CYP2C18: variants seen among roughly 807,000 people sequenced by gnomAD.
CYP2C18 encodes cytochrome P450 family 2 subfamily C member 18.
A neutral mutation model predicts 41.3 loss-of-function variants in CYP2C18; 38 were observed. The ratio of observed to expected loss-of-function variants is 0.92; its 90% CI spans 0.71 to 1.21. The LOEUF (loss-of-function observed/expected upper bound fraction) is 1.21, where lower values mean the gene tolerates loss of function less well. CYP2C18 is among the 50% of genes most tolerant of loss of function. CYP2C18 has a pLI of 0.00. For missense variants in CYP2C18, 635 were observed against 591.4 expected, an observed-to-expected ratio of 1.07 and a Z score of -0.77; for synonymous variants, 236 against 210.0, an observed-to-expected ratio of 1.12 and a Z score of -1.07.
Position 94,683,876 on chromosome 10 carries a change from C to G in CYP2C18, c.57C>G (p.Leu19=). 4 of 1,611,490 alleles carry G rather than the reference C, an allele frequency of 2.5e-6. No homozygotes were observed. The South Asian group carries it at 3.3e-5, about 13-fold the overall frequency. ...TCTCCTGTTTGTTTCTCCTTTCACT[C>G]TGGAGGCAGAGCTCTGGAAGAGGGA... ...LCLSCLFLLS[L]WRQSSGRGRL... is the part of the protein sequence containing the mutation. Residue 19 remains leucine, a synonymous_variant, in exon 1 of 9, where the codon CTC becomes CTG. Transcript: ENST00000285979.
intron 4 of CYP2C18, among the ~76,000 whole-genome samples, chr10:94,704,919 T>C (rs1847310331): frequency 6.6e-6 from 1 of 152,166 alleles, no homozygotes; most frequent in African/African-American, 2.4e-5. Flanking sequence ...TGCTTTTCCA[T>C]CCTGAGTGAG....
In CYP2C18 at chr10:94,735,392, A is replaced by G. The variant is rs755488198; in HGVS notation, c.1421A>G (p.Asn474Ser). The G allele has an allele frequency of 1.2e-6, 2 of 1,613,714 alleles. No homozygotes were observed. Among genetic ancestry groups the G allele is most frequent in the South Asian group, 1.1e-5 (1 of 91,072 alleles). ...GATATTGACATCACCCCCATTGCCAATGCATTTGGTCGTGTGCCACCCTTG... is the reference window on the plus strand; with the variant it reads ...GATATTGACATCACCCCCATTGCCAGTGCATTTGGTCGTGTGCCACCCTTG... The part of the protein sequence containing the change: ...PKDIDITPIA[N>S]AFGRVPPLYQ... Residue 474 changes from asparagine to serine, a missense_variant, in exon 9 of 9, where the codon AAT becomes AGT. Transcript: ENST00000285979.
chr10:94,704,134 T>C (rs1384735310), intron 4 of CYP2C18, among the ~76,000 whole-genome samples: 1 of 152,142 alleles, frequency 6.6e-6, no homozygotes, highest in Admixed American at 6.5e-5. Flanking sequence ...GCCTTCTGCA[T>C]TGGTCTCGTT....
At chr10:94,697,410 A>G (rs942127420) in intron 4 of CYP2C18, among the ~76,000 whole-genome samples, 1 of 152,112 alleles carries the variant, frequency 6.6e-6, no homozygotes, top group South Asian at 2.1e-4. Flanking sequence ...AAATAAAATC[A>G]TTTATAGACA....
At chr10:94,722,141 A>G (rs1847657114) in intron 6 of CYP2C18, among the ~76,000 whole-genome samples, 1 of 152,164 alleles carries the variant, frequency 6.6e-6, no homozygotes, top group African/African-American at 2.4e-5. Flanking sequence ...GAAAATCTGT[A>G]TAGTCTGGGA....
At chr10:94,734,312 C>T (rs1847883147) in intron 8 of CYP2C18, among the ~76,000 whole-genome samples, 1 of 152,102 alleles carries the variant, frequency 6.6e-6, no homozygotes, top group African/African-American at 2.4e-5. Context: ...ATAGAGTTCC[C>T]TTCATTTTTT....
chr10:94,733,980 G>A (rs1284974987), intron 8 of CYP2C18, among the ~76,000 whole-genome samples: 1 of 152,006 alleles, frequency 6.6e-6, no homozygotes, highest in African/African-American at 2.4e-5. Context: ...GAGCTCAGTG[G>A]GGGAATCTGC....
chr10:94,727,001 A>G (rs989481375), intron 7 of CYP2C18, among the ~76,000 whole-genome samples: 23 of 152,154 alleles, frequency 1.5e-4, no homozygotes, highest in Admixed American at 1.3e-3. Context: ...AGCCACAGGT[A>G]CCTATTGAGC....
In CYP2C18 at chr10:94,687,888, G is replaced by A; in HGVS notation, c.287G>A (p.Gly96Glu). Residue 96 changes from glycine (G) to glutamate (E), a missense_variant, in exon 2 of 9, where the codon GGA becomes GAA. Physicochemically the swap from Gly to Glu is moderately conservative, Grantham distance 98. Coordinates refer to ENST00000285979, the MANE Select transcript of CYP2C18 (RefSeq NM_000772.3). ...ATTGATCATGGAGAGGAGTTTTCTG[G>A]AAGAGGAAGTTTTCCAGTGGCTGAA... is the stretch of plus-strand genomic sequence containing the variant. Reference protein sequence around the residue: ...ALIDHGEEFSGRGSFPVAEKV... With the variant: ...ALIDHGEEFSERGSFPVAEKV... The A allele has an allele frequency of 6.2e-7, 1 of 1,613,816 alleles. No homozygotes were observed.
chr10:94,722,185 G>A (rs1847658123), intron 6 of CYP2C18, among the ~76,000 whole-genome samples: 2 of 152,066 alleles, frequency 1.3e-5, no homozygotes, highest in Non-Finnish European at 2.9e-5. Context: ...TAATAAAGGT[G>A]TATGATATTT....
intron 4 of CYP2C18, among the ~76,000 whole-genome samples, chr10:94,701,656 A>T (rs1847248370): frequency 6.6e-6 from 1 of 152,164 alleles, no homozygotes; most frequent in Non-Finnish European, 1.5e-5. Context: ...CTCCACCTCT[A>T]CCACACAGTC....
intron 3 of CYP2C18, among the ~76,000 whole-genome samples, chr10:94,691,976 G>A (rs1339798891): frequency 6.6e-6 from 1 of 152,158 alleles, no homozygotes; most frequent in Non-Finnish European, 1.5e-5. Flanking sequence ...GCCATATGTA[G>A]AAAGCTGAAA....
At chr10:94,697,500 C>T (rs1017404857) in intron 4 of CYP2C18, among the ~76,000 whole-genome samples, 1 of 152,152 alleles carries the variant, frequency 6.6e-6, no homozygotes, top group Non-Finnish European at 1.5e-5. Flanking sequence ...TGGAAAGGAA[C>T]AAACAGTACC....
At chr10:94,714,258 T>C (rs1847499572) in intron 5 of CYP2C18, among the ~76,000 whole-genome samples, 1 of 152,224 alleles carries the variant, frequency 6.6e-6, no homozygotes, top group Non-Finnish European at 1.5e-5. Flanking sequence ...TGCCCATGCC[T>C]ATGTCCTGAA....
chr10:94,720,260 G>C, intron 5 of CYP2C18, 136 bp from the exon 6 acceptor site: 1 of 665,358 alleles, frequency 1.5e-6, no homozygotes, highest in South Asian at 2.2e-5. Context: ...CCGTGCAATT[G>C]TTGTAGTTTT....
At position 94,720,419 on chromosome 10, in the gene CYP2C18, A is replaced by C. The variant is rs1001327025; in HGVS notation, c.843A>C (p.Glu281Asp). Residue 281 changes from glutamate to aspartate, a missense_variant, in exon 6 of 9, where the codon GAA (glutamate) becomes GAC (aspartate). Transcript: ENST00000285979. ...AGGAAAAGCACAATCAACAGTCTGA[A>C]TTTACTGTTGAAAGCTTGATAGCCA... ...MEQEKHNQQS[E>D]FTVESLIATV... 11 of 1,611,454 alleles carry C rather than the reference A, an allele frequency of 6.8e-6. No individual in the cohort carries two copies. The East Asian group carries it at 2.5e-4, about 36-fold the overall frequency.
At chr10:94,718,838 T>C (rs1386786143) in intron 5 of CYP2C18, among the ~76,000 whole-genome samples, 4 of 152,138 alleles carry the variant, frequency 2.6e-5, no homozygotes, top group African/African-American at 9.6e-5. Flanking sequence ...GTTAAGTAGA[T>C]AGCTGTGGGG....
chr10:94,723,018 T>C (rs548821357), intron 6 of CYP2C18, among the ~76,000 whole-genome samples: 2 of 152,158 alleles, frequency 1.3e-5, no homozygotes, highest in South Asian at 4.2e-4. Flanking sequence ...TTTTAGAACA[T>C]CAGAGTTAAA....
At chr10:94,698,512 C>A (rs960066463) in intron 4 of CYP2C18, among the ~76,000 whole-genome samples, 2 of 152,092 alleles carry the variant, frequency 1.3e-5, no homozygotes, top group Non-Finnish European at 2.9e-5. Flanking sequence ...GCACTAAATG[C>A]CCACAAGAGA....
Sources: allele counts gnomAD v4.1 joint callset (sites outside exome capture counted in the v4.1 genomes callset), GRCh38; gene constraint gnomAD v4.1.1; transcripts MANE v1.5; gene names NCBI Gene and HGNC (gene_info 2026-07-23, HGNC 2026-07-21).